The following PKD1 variants were observed in gnomAD, a reference collection of about 807,000 sequenced individuals.
The protein encoded by PKD1 is polycystin-1.
A neutral mutation model predicts 361.7 loss-of-function variants in PKD1; 81 were observed. The observed-to-expected ratio is 0.22, with a 90% CI of 0.19 to 0.27. PKD1 has a LOEUF of 0.27. Among genes scored for constraint, PKD1 ranks in the 10% least tolerant of loss-of-function variants. PKD1 has a pLI of 1.00. For synonymous variants in PKD1, 3,615 were observed against 2,818.3 expected (o/e 1.28, Z -8.95); for missense variants, 6,399 against 6,118.3 (o/e 1.05, Z -1.53).
Position 2,115,388 on chromosome 16 carries a change from G to A in PKD1, c.2087C>T (p.Ala696Val), listed in dbSNP as rs1357251741. 9.7e-6 allele frequency: 15 copies of A among 1,550,922 alleles called. No individual in the cohort carries two copies. The East Asian group carries it at 1.2e-4, about 12-fold the overall frequency. Residue 696 changes from alanine to valine, a missense_variant, in exon 10 of 46, where the codon GCG becomes GTG. Coordinates refer to ENST00000262304, the MANE Select transcript of PKD1 (RefSeq NM_001009944.3). Reference protein sequence around the residue: ...FLFSVPAGPPAQYSVTLHGQD... With the variant: ...FLFSVPAGPPVQYSVTLHGQD... Reference sequence around the variant, plus strand: ...GTCAGGGCCACACACCGAGTACTGCGCGGGGGGCCCCGCGGGAACGGAGAA... The same window carrying A: ...GTCAGGGCCACACACCGAGTACTGCACGGGGGGCCCCGCGGGAACGGAGAA...
rs746385952 is a variant in PKD1 at position 2,106,371 on chromosome 16, G to A, written c.7489+27C>T. 9 of 1,596,466 alleles carry A rather than the reference G, an allele frequency of 5.6e-6. No homozygotes were observed. The highest frequency in any genetic ancestry group is 5.2e-5 in the Admixed American group (3 of 57,648). On this transcript the variant is annotated intron_variant, in intron 18 of 45. Transcript: ENST00000262304. This position sits in a 1 kb window ranked among gnomAD's most constrained non-coding sequence, Gnocchi z 6.5. Reference sequence around the variant, plus strand: ...CGTCACAGAGTCGGGGGATCCCGCTGCTCCCCCCACGCAGGCCTGCACTCA... The same window carrying A: ...CGTCACAGAGTCGGGGGATCCCGCTACTCCCCCCACGCAGGCCTGCACTCA...
rs56149818 is a variant in PKD1, at chr16:2,099,590, T to G, written c.10050+54A>C. On this transcript the variant is annotated intron_variant, in intron 30 of 45. Transcript: ENST00000262304. ...TGGAAAGTGGCGGCCCTAGGCATGG[T>G]GCCGAGGCCCAGGCTCCATTCCCAG... The G allele has an allele frequency of 8.7e-4, 1,335 of 1,530,678 alleles. 4 individuals are homozygous for G. Among genetic ancestry groups the G allele is most frequent in the Non-Finnish European group, 1.1e-3 (1,263 of 1,137,400 alleles). 94.8% of individuals were successfully genotyped at this position (1,530,678 alleles called of 1,614,324 possible).
rs549597561 is a variant in PKD1 at position 2,093,213 on chromosome 16, G to T, written c.11017-120C>A. 5.8e-5 allele frequency: 73 copies of T among 1,254,394 alleles called. No individual in the cohort carries two copies. The African/African-American group carries it at 9.4e-4, about 16-fold the overall frequency. 77.7% of individuals were successfully genotyped at this position (1,254,394 alleles called of 1,614,324 possible). On this transcript the variant is annotated intron_variant, in intron 37 of 45. Transcript: ENST00000262304. Reference sequence around the variant, plus strand: ...GGCTGCAGGAAGGTGAGCTGGCAGGGGGCGCCCCAAGACTCTACCTGGCCA... The same window carrying T: ...GGCTGCAGGAAGGTGAGCTGGCAGGTGGCGCCCCAAGACTCTACCTGGCCA...
Position 2,119,351 on chromosome 16 carries a change from C to T in PKD1, c.243G>A (p.Ala81=), listed in dbSNP as rs1213595516. 12 of 1,447,098 alleles carry T rather than the reference C, an allele frequency of 8.3e-6. No individual in the cohort carries two copies. Among genetic ancestry groups the T allele is most frequent in the African/African-American group, 5.6e-5 (4 of 71,260 alleles). The allele number at this position is 1,447,098 out of a possible 1,614,324, so 89.6% of individuals were successfully genotyped here. A position where few individuals can be genotyped will look rare whatever the true frequency, so the allele number is the denominator to read the frequency against. Residue 81 remains alanine (A), a synonymous_variant, in exon 2 of 46, where the codon GCG becomes GCA. Coordinates refer to ENST00000262304, the MANE Select transcript of PKD1 (RefSeq NM_001009944.3). ...ALDVSHNLLR[A]LDVGLLANLS... The stretch of plus-strand genomic sequence containing the variant: ...GGTTCGCCAGGAGCCCAACGTCCAG[C>T]GCCCGGAGCAGGTTGTGGGAGACGT...
chr16:2,109,561 G>C lies in PKD1; in HGVS notation c.5606C>G (p.Ser1869Cys), dbSNP rs1289222039. 4 of 1,611,602 alleles carry C rather than the reference G, an allele frequency of 2.5e-6. No individual in the cohort carries two copies. In the East Asian group the frequency reaches 6.7e-5, roughly 27 times the overall value. The stretch of plus-strand genomic sequence containing the variant: ...GGCTGAGACCCAGCTGACTGCGTTG[G>C]AGGCATTGAGCCGGATGGAGAAGGT... ...AGTFSIRLNA[S>C]NAVSWVSATY... Residue 1869 changes from serine (S) to cysteine (C), a missense_variant, in exon 15 of 46, where the codon TCC becomes TGC. Physicochemically the swap from Ser to Cys is moderately radical, Grantham distance 112. Coordinates refer to ENST00000262304, the MANE Select transcript of PKD1 (RefSeq NM_001009944.3).
At chr16:2,097,011 G>C (rs1029678721) in intron 34 of PKD1, 137 bp downstream of exon 34, 7 of 675,218 alleles carry the variant, frequency 1.0e-5, no homozygotes, top group African/African-American at 5.3e-5. Flanking sequence ...CAGAGGTTCA[G>C]AGAAGTGAAG....
intron 11 of PKD1, 27 bp from the exon 12 acceptor site, chr16:2,113,319 G>C (rs768108164): frequency 6.3e-7 from 1 of 1,595,078 alleles, no homozygotes; most frequent in African/African-American, 1.3e-5. Flanking sequence ...GTCAGCCTGG[G>C]CTCTGTGGAG....
At position 2,097,959 on chromosome 16, in the gene PKD1, G is replaced by A. The variant is rs1443656752; in HGVS notation, c.10076C>T (p.Pro3359Leu). Residue 3359 changes from proline to leucine, a missense_variant, in exon 31 of 46, where the codon CCT (proline) becomes CTT (leucine). By Grantham distance (98) the Pro-to-Leu change is moderately conservative (BLOSUM62 -3). Transcript: ENST00000262304. Reference protein sequence around the residue: ...SKVAGSPSPTPAGQQVLDIDS... With the variant: ...SKVAGSPSPTLAGQQVLDIDS... The stretch of plus-strand genomic sequence containing the variant: ...GATGTCCAGCACCTGCTGCCCGGCA[G>A]GTGTGGGGCTCGGGCTCCCAGCCAC... 9 of 1,597,206 alleles carry A rather than the reference G, an allele frequency of 5.6e-6. No homozygotes were observed. Among genetic ancestry groups the A allele is most frequent in the African/African-American group, 2.7e-5 (2 of 74,614 alleles).
intron 20 of PKD1, 105 bp from the exon 21 acceptor site, chr16:2,105,579 T>C (rs2151767908): frequency 6.3e-7 from 1 of 1,592,832 alleles, no homozygotes; most frequent in Non-Finnish European, 8.5e-7. Context: ...CTAGACGCTG[T>C]GTGATGCGGG....
At position 2,108,439 on chromosome 16, in the gene PKD1, T is replaced by C. The variant is rs1160523315; in HGVS notation, c.6728A>G (p.Gln2243Arg). The C allele has an allele frequency of 1.2e-6, 2 of 1,610,416 alleles. No homozygotes were observed. Among genetic ancestry groups the C allele is most frequent in the Admixed American group, 1.7e-5 (1 of 59,996 alleles). Residue 2243 changes from glutamine to arginine, a missense_variant, in exon 15 of 46, where the codon CAG becomes CGG. Physicochemically the swap from Gln to Arg is conservative, Grantham distance 43. Transcript: ENST00000262304. Reference sequence around the variant, plus strand: ...CACCGTCACATTGGCCTGGATGCTCTGTGTCAGTGGCGTGTCCCCAAATGA... The same window carrying C: ...CACCGTCACATTGGCCTGGATGCTCCGTGTCAGTGGCGTGTCCCCAAATGA... ...VVSFGDTPLT[Q>R]SIQANVTVAP...
In PKD1 at chr16:2,110,102, C is replaced by G. The variant is rs534630703; in HGVS notation, c.5065G>C (p.Glu1689Gln). ...AGCTGCACATGGTAGGTGCCGGCCTCGAGCACGGTGAGCGAGAAGCCTTTG... is the reference window on the plus strand; with the variant it reads ...AGCTGCACATGGTAGGTGCCGGCCTGGAGCACGGTGAGCGAGAAGCCTTTG... ...SGKGFSLTVL[E>Q]AGTYHVQLRA... is the part of the protein sequence containing the mutation. The change falls in exon 15 of 46, where the codon GAG becomes CAG. Residue 1689 changes from glutamate (E) to glutamine (Q), a missense_variant. Coordinates refer to ENST00000262304, the MANE Select transcript of PKD1 (RefSeq NM_001009944.3). 8 of 1,609,554 alleles carry G rather than the reference C, an allele frequency of 5.0e-6. No homozygotes were observed. In the South Asian group the frequency reaches 7.7e-5, roughly 16 times the overall value.
chr16:2,109,033 G>A lies in PKD1; in HGVS notation c.6134C>T (p.Ala2045Val), dbSNP rs2092434001. The change falls in exon 15 of 46, where the codon GCC becomes GTC. Residue 2045 changes from alanine (A) to valine (V), a missense_variant. Coordinates refer to ENST00000262304, the MANE Select transcript of PKD1 (RefSeq NM_001009944.3). ...CAGCGTGCGGTTCTCACTGCCCAGG[G>A]CGTTGAAGGCGCGCACCTGGATCTC... ...LLEIQVRAFN[A>V]LGSENRTLVL... is the part of the protein sequence containing the mutation. 2 of 1,609,044 alleles carry A rather than the reference G, an allele frequency of 1.2e-6. No individual in the cohort carries two copies. Among genetic ancestry groups the A allele is most frequent in the East Asian group, 2.2e-5 (1 of 44,782 alleles).
At position 2,109,630 on chromosome 16, in the gene PKD1, C is replaced by G. The variant is rs774515086; in HGVS notation, c.5537G>C (p.Ser1846Thr). Residue 1846 changes from serine to threonine, a missense_variant, in exon 15 of 46, where the codon AGC becomes ACC. Ser to Thr is a moderately conservative substitution (Grantham distance 58, BLOSUM62 1). Transcript: ENST00000262304. The stretch of plus-strand genomic sequence containing the variant: ...CATGGTGACATGAGGGCCACGCTTG[C>G]TGCTGCCGCCGGGCACAGCCCAGCA... The part of the protein sequence containing the change: ...SWCWAVPGGS[S>T]KRGPHVTMVF... The G allele has an allele frequency of 6.2e-7, 1 of 1,603,620 alleles. No individual in the cohort carries two copies. The highest frequency in any genetic ancestry group is 2.2e-5 in the East Asian group (1 of 44,478).
Position 2,110,018 on chromosome 16 carries a change from G to C in PKD1, c.5149C>G (p.Pro1717Ala). The C allele has an allele frequency of 6.2e-7, 1 of 1,610,466 alleles. No homozygotes were observed. Among genetic ancestry groups the C allele is most frequent in the Non-Finnish European group, 8.5e-7 (1 of 1,179,654 alleles). The change falls in exon 15 of 46, where the codon CCT becomes GCT. Residue 1717 changes from proline (P) to alanine (A), a missense_variant. Coordinates refer to ENST00000262304, the MANE Select transcript of PKD1 (RefSeq NM_001009944.3). The stretch of plus-strand genomic sequence containing the variant: ...GCGGCCACCATCAGCCACCCCACAG[G>C]CTCCACGAAGTCCATGGTGCAGTCG... Reference protein sequence around the residue: ...WADCTMDFVEPVGWLMVAASP... With the variant: ...WADCTMDFVEAVGWLMVAASP...
chr16:2,116,804 C>A, intron 7 of PKD1, 29 bp downstream of exon 7: 1 of 1,382,128 alleles, frequency 7.2e-7, no homozygotes, highest in East Asian at 2.5e-5. Context: ...CAGCCAGCGT[C>A]TCAGGCCCCT....
intron 1 of PKD1, among the ~76,000 whole-genome samples, chr16:2,129,527 G>T (rs2092842631): frequency 1.4e-5 from 2 of 141,420 alleles, no homozygotes; most frequent in South Asian, 4.6e-4. Context: ...AGAAATCTCT[G>T]TTCAGATCCT....
chr16:2,129,424 G>C (rs2092840524), intron 1 of PKD1, among the ~76,000 whole-genome samples: 1 of 151,880 alleles, frequency 6.6e-6, no homozygotes, highest in East Asian at 1.9e-4. Context: ...CACCGCGCCC[G>C]GCTGGACAGT....
At chr16:2,120,561 G>C (rs922939975) in intron 1 of PKD1, among the ~76,000 whole-genome samples, 5 of 152,194 alleles carry the variant, frequency 3.3e-5, no homozygotes, top group African/African-American at 1.2e-4. Context: ...AATCAGCCAG[G>C]CATGGTAGTG....
At chr16:2,098,982 C>T (rs1416550360) in intron 30 of PKD1, 2 of 165,274 alleles carry the variant, frequency 1.2e-5, no homozygotes, top group African/African-American at 5.0e-5. Flanking sequence ...AGGCGCCCGC[C>T]ACCATGCCCA....
Sources: allele counts gnomAD v4.1 joint callset (sites outside exome capture counted in the v4.1 genomes callset), GRCh38; gene constraint gnomAD v4.1.1; non-coding constraint Gnocchi (gnomAD v3.1); transcripts MANE v1.5; gene names NCBI Gene and HGNC (gene_info 2026-07-23, HGNC 2026-07-21).